The following KALRN variants were observed in gnomAD, a reference collection of about 807,000 sequenced individuals.
KALRN encodes kalirin RhoGEF kinase.
In KALRN, 70 loss-of-function variants were observed where a neutral mutation model predicts 353.7. The ratio of observed to expected loss-of-function variants is 0.20; its 90% CI spans 0.16 to 0.24. The LOEUF (loss-of-function observed/expected upper bound fraction) is 0.24, where lower values mean the gene tolerates loss of function less well. Ranked by LOEUF, KALRN falls within the 10% of genes least tolerant of loss-of-function variation. The probability of loss-of-function intolerance (pLI) is 1.00; values close to 1 mark genes in which losing one functional copy is unlikely to be tolerated. For synonymous variants in KALRN, 1,391 were observed against 1,434.8 expected (o/e 0.97, Z 0.69); for missense variants, 2,791 against 3,756.7 (o/e 0.74, Z 6.72).
chr3:124,177,413 GTT>G (rs1299274996), intron 1 of KALRN, among the ~76,000 whole-genome samples: 1 of 152,152 alleles, frequency 6.6e-6, no homozygotes, highest in African/African-American at 2.4e-5. Context: ...CTTTTCAGTT[GTT>G]TTTTACCTCC....
intron 34 of KALRN, among the ~76,000 whole-genome samples, chr3:124,603,577 G>A (rs1028146651): frequency 1.3e-5 from 2 of 152,120 alleles, no homozygotes; most frequent in African/African-American, 4.8e-5. Flanking sequence ...GACTTCCCCA[G>A]AGGATAGTAG....
At chr3:124,666,835 G>T (rs980875344) in intron 46 of KALRN, among the ~76,000 whole-genome samples, 177 bp from the exon 47 acceptor site, 1 of 152,216 alleles carries the variant, frequency 6.6e-6, no homozygotes, top group Admixed American at 6.5e-5. Flanking sequence ...GCATGATCCT[G>T]CAGGTTCCCT....
chr3:124,428,903 T>G lies in KALRN; in HGVS notation c.2710-1753T>G, dbSNP rs192735078. ...AGTCAAATTGTCCTACAGACATTGA[T>G]GTGTGATGCACTTGGAGAAGTGGTT... On this transcript the variant is annotated intron_variant, in intron 15 of 59. Coordinates refer to ENST00000682506, the MANE Select transcript of KALRN (RefSeq NM_001388419.1). Among the ~76,000 whole-genome samples the G allele has an allele frequency of 1.7e-3, 253 of 152,288 alleles. 3 individuals are homozygous for G. The highest frequency in any genetic ancestry group is 5.9e-3 in the African/African-American group (244 of 41,562).
At chr3:124,473,828 T>C (rs533216738) in intron 25 of KALRN, among the ~76,000 whole-genome samples, 3 of 152,212 alleles carry the variant, frequency 2.0e-5, no homozygotes, top group Non-Finnish European at 4.4e-5. Context: ...AAATTGTTCC[T>C]TGTAAAGATC....
At chr3:124,654,437 C>T (rs2083771188) in intron 38 of KALRN, among the ~76,000 whole-genome samples, 1 of 152,140 alleles carries the variant, frequency 6.6e-6, no homozygotes, top group Admixed American at 6.5e-5. Flanking sequence ...GTGCTGGGGT[C>T]CCACTTTGAC....
At chr3:124,403,406 A>T (rs1444800339) in intron 13 of KALRN, among the ~76,000 whole-genome samples, 1 of 152,232 alleles carries the variant, frequency 6.6e-6, no homozygotes, top group African/African-American at 2.4e-5. Flanking sequence ...ACTAAGAAGG[A>T]TATTCTAGAC....
chr3:124,179,639 C>T (rs1484610532), intron 1 of KALRN, among the ~76,000 whole-genome samples: 1 of 152,198 alleles, frequency 6.6e-6, no homozygotes, highest in African/African-American at 2.4e-5. Context: ...GGTTTCTTTA[C>T]ACCAGCATCA....
chr3:124,187,859 A>G (rs1243152813), intron 1 of KALRN, among the ~76,000 whole-genome samples: 2 of 152,318 alleles, frequency 1.3e-5, no homozygotes, highest in East Asian at 3.9e-4. Context: ...TTGAAGGGCA[A>G]TTAGGATGTT....
intron 1 of KALRN, among the ~76,000 whole-genome samples, chr3:124,198,911 C>T (rs900835502): frequency 6.6e-6 from 1 of 152,158 alleles, no homozygotes. Flanking sequence ...GATCATGGGG[C>T]CTCAGCCAGA....
At chr3:124,698,437 C>T (rs534126688) in intron 55 of KALRN, among the ~76,000 whole-genome samples, 5 of 152,180 alleles carry the variant, frequency 3.3e-5, no homozygotes, top group Admixed American at 6.5e-5. Context: ...TCCCAGATGT[C>T]GAGCAGCTGT....
chr3:124,068,627 A>G (rs1290364883), intron 1 of KALRN, among the ~76,000 whole-genome samples: 1 of 152,224 alleles, frequency 6.6e-6, no homozygotes. Context: ...TGCCTTCATC[A>G]TAGATGAACA....
chr3:124,664,371 G>GTGTGCGCGCGCACGCA (rs780486751), intron 45 of KALRN, among the ~76,000 whole-genome samples: 3 of 77,044 alleles, frequency 3.9e-5, no homozygotes, highest in Non-Finnish European at 6.5e-5. Context: ...GTGTGTGTGT[G>GTGTGCGCGCGCACGCA]CGCGCGCGCG....
chr3:124,709,596 T>A (rs2062796756), intron 57 of KALRN, among the ~76,000 whole-genome samples: 1 of 151,994 alleles, frequency 6.6e-6, no homozygotes, highest in African/African-American at 2.4e-5. Flanking sequence ...TTAATAGAAG[T>A]GTGGGAAGAC....
intron 1 of KALRN, among the ~76,000 whole-genome samples, chr3:124,137,940 A>G (rs1335162691): frequency 6.6e-6 from 1 of 152,106 alleles, no homozygotes; most frequent in African/African-American, 2.4e-5. Context: ...TCTTCTGTAA[A>G]GTATGTGTTT....
At chr3:124,647,089 A>G (rs1009700256) in intron 37 of KALRN, among the ~76,000 whole-genome samples, 2 of 152,094 alleles carry the variant, frequency 1.3e-5, no homozygotes, top group African/African-American at 4.8e-5. Context: ...TTTATTTAAT[A>G]GAGATGGGGG....
intron 34 of KALRN, among the ~76,000 whole-genome samples, chr3:124,629,304 T>G (rs1056982237): frequency 6.6e-6 from 1 of 152,224 alleles, no homozygotes; most frequent in Non-Finnish European, 1.5e-5. Flanking sequence ...AGTGTGGTTT[T>G]CTGGGCTCTA....
At chr3:124,709,065 A>G (rs1410252550) in intron 57 of KALRN, among the ~76,000 whole-genome samples, 1 of 152,136 alleles carries the variant, frequency 6.6e-6, no homozygotes. Context: ...GACTACTAAG[A>G]ATTTCTGAAC....
chr3:124,611,446 A>G (rs2077960546), intron 34 of KALRN, among the ~76,000 whole-genome samples: 1 of 152,138 alleles, frequency 6.6e-6, no homozygotes, highest in South Asian at 2.1e-4. Context: ...CAGAGACCAG[A>G]TTTGAATATC....
intron 3 of KALRN, among the ~76,000 whole-genome samples, chr3:124,245,536 T>C (rs141689820): frequency 1.3e-3 from 179 of 140,080 alleles, no homozygotes; most frequent in Non-Finnish European, 2.1e-3. Context: ...ACGGTAATTT[T>C]ATATTTATTT....
Sources: gnomAD v4.1 joint callset for allele counts (sites outside exome capture counted in the v4.1 genomes callset) on GRCh38, gnomAD v4.1.1 for gene constraint, MANE v1.5 for transcripts, NCBI Gene and HGNC (gene_info 2026-07-23, HGNC 2026-07-21) for gene names.